Variants in ADGRL3 observed in about 807,000 individuals in gnomAD.
ADGRL3 encodes the protein adhesion G protein-coupled receptor L3.
A neutral mutation model predicts 153.5 loss-of-function variants in ADGRL3; 62 were observed. That is an observed-to-expected ratio of 0.40 (90% confidence interval 0.33 to 0.50). The LOEUF (loss-of-function observed/expected upper bound fraction) is 0.50, where lower values mean the gene tolerates loss of function less well. Ranked by LOEUF, ADGRL3 falls within the 20% of genes least tolerant of loss-of-function variation. ADGRL3 has a pLI of 0.47. For synonymous variants in ADGRL3, 710 were observed against 672.5 expected, an observed-to-expected ratio of 1.06 and a Z score of -0.86; for missense variants, 1,641 against 1,859.4, an observed-to-expected ratio of 0.88 and a Z score of 2.16.
At chr4:61,696,844 T>G (rs141186167) in intron 6 of ADGRL3, among the ~76,000 whole-genome samples, 3,162 of 151,978 alleles carry the variant, frequency 0.021, 105 homozygotes, top group East Asian at 0.17. Context: ...TCCAGCTAAA[T>G]TTTTGTATTT....
At chr4:61,953,694 A>G (rs2098955878) in intron 17 of ADGRL3, among the ~76,000 whole-genome samples, 2 of 152,200 alleles carry the variant, frequency 1.3e-5, no homozygotes, top group African/African-American at 4.8e-5. Flanking sequence ...TATAAGAATT[A>G]TAACCAAGGC....
intron 2 of ADGRL3, among the ~76,000 whole-genome samples, chr4:61,462,745 G>A (rs561938421): frequency 6.6e-6 from 1 of 152,234 alleles, no homozygotes; most frequent in East Asian, 1.9e-4. Flanking sequence ...AGTATATTGG[G>A]CAATCAGCCT....
intron 10 of ADGRL3, 92 bp downstream of exon 10, chr4:61,893,050 C>T: frequency 1.5e-6 from 1 of 669,726 alleles, no homozygotes; most frequent in South Asian, 4.9e-5. Flanking sequence ...TCCTTTCCTC[C>T]CTCCCTCCCT....
chr4:61,859,511 TC>T (rs1404977667), intron 9 of ADGRL3, among the ~76,000 whole-genome samples: 2 of 152,174 alleles, frequency 1.3e-5, no homozygotes, highest in African/African-American at 2.4e-5. Context: ...TTAATAAAGC[TC>T]CTAATCATTA....
At chr4:61,228,157 G>C (rs375469317) in intron 1 of ADGRL3, among the ~76,000 whole-genome samples, 2 of 152,044 alleles carry the variant, frequency 1.3e-5, no homozygotes, top group East Asian at 3.8e-4. Context: ...ACTATGTAAA[G>C]TTGGTAAGTT....
intron 6 of ADGRL3, among the ~76,000 whole-genome samples, chr4:61,690,881 C>A (rs2095528452): frequency 6.6e-6 from 1 of 152,058 alleles, no homozygotes; most frequent in South Asian, 2.1e-4. Flanking sequence ...AAGAAACTTG[C>A]CTGCTTAGAA....
intron 1 of ADGRL3, among the ~76,000 whole-genome samples, chr4:61,310,209 A>C (rs2150508344): frequency 6.6e-6 from 1 of 151,922 alleles, no homozygotes; most frequent in African/African-American, 2.4e-5. Flanking sequence ...TATTTCCCCT[A>C]GCTGAAACCC....
chr4:61,477,092 A>G (rs1416227739), intron 2 of ADGRL3, among the ~76,000 whole-genome samples: 1 of 152,212 alleles, frequency 6.6e-6, no homozygotes, highest in Non-Finnish European at 1.5e-5. Flanking sequence ...ATTTAAAAAA[A>G]GATTCATAGC....
In ADGRL3 at chr4:61,202,654, G is replaced by T. The variant is rs1366312283; in HGVS notation, c.-240+889G>T. 1.3e-5 allele frequency among the ~76,000 whole-genome samples: 2 copies of T among 152,174 alleles called. No individual in the cohort carries two copies. Among genetic ancestry groups the T allele is most frequent in the East Asian group, 1.9e-4 (1 of 5,160 alleles). On this transcript the variant is annotated intron_variant, in intron 1 of 26. Coordinates refer to ENST00000683033, the MANE Select transcript of ADGRL3 (RefSeq NM_001387552.1). The surrounding 1 kb of genome is among the most constrained non-coding windows in gnomAD (Gnocchi z 5.0). The stretch of plus-strand genomic sequence containing the variant: ...TGAGGAGAAGGGAAGGCTCCAGGCT[G>T]CAGCGCAGCGTCTGAGCTGCCGCGA...
intron 8 of ADGRL3, among the ~76,000 whole-genome samples, chr4:61,776,948 G>C (rs1042486905): frequency 4.6e-5 from 7 of 152,132 alleles, no homozygotes; most frequent in Non-Finnish European, 8.8e-5. Context: ...ATAATGATCT[G>C]AGAAATGTTC....
intron 5 of ADGRL3, among the ~76,000 whole-genome samples, chr4:61,603,780 T>C (rs759479255): frequency 2.6e-5 from 4 of 152,108 alleles, no homozygotes; most frequent in Non-Finnish European, 5.9e-5. Context: ...TTCAGTTTAA[T>C]GGCACCATTT....
intron 5 of ADGRL3, among the ~76,000 whole-genome samples, chr4:61,649,352 C>T (rs893153266): frequency 2.0e-5 from 3 of 152,056 alleles, no homozygotes; most frequent in African/African-American, 7.2e-5. Flanking sequence ...ATAGCAGCAA[C>T]ATCTAAATTT....
intron 21 of ADGRL3, among the ~76,000 whole-genome samples, chr4:62,021,152 A>G (rs1177401491): frequency 6.6e-6 from 1 of 152,132 alleles, no homozygotes; most frequent in African/African-American, 2.4e-5. Context: ...TCCGAAGGTC[A>G]ATACACAACA....
intron 1 of ADGRL3, among the ~76,000 whole-genome samples, chr4:61,296,816 A>G (rs2150265418): frequency 6.6e-6 from 1 of 152,308 alleles, no homozygotes; most frequent in South Asian, 2.1e-4. Flanking sequence ...TTTATAAAAT[A>G]TTACTTCGTG....
intron 1 of ADGRL3, among the ~76,000 whole-genome samples, chr4:61,317,866 C>G (rs1318583591): frequency 6.6e-6 from 1 of 152,028 alleles, no homozygotes; most frequent in Non-Finnish European, 1.5e-5. Context: ...ACTATTATGT[C>G]TATGCATTAT....
chr4:61,880,658 T>A (rs1369587549), intron 9 of ADGRL3, among the ~76,000 whole-genome samples: 1 of 152,198 alleles, frequency 6.6e-6, no homozygotes, highest in Non-Finnish European at 1.5e-5. Context: ...ACTGTATAGT[T>A]TACATGTGGT....
chr4:61,230,189 C>T (rs544344063), intron 1 of ADGRL3, among the ~76,000 whole-genome samples: 5 of 152,244 alleles, frequency 3.3e-5, no homozygotes, highest in East Asian at 1.9e-4. Context: ...TAAGCGATCA[C>T]GGCTGTCTGC....
rs923603332 is a variant in ADGRL3, at chr4:61,877,623, A to G, written c.1481-15033A>G. Among the ~76,000 whole-genome samples the G allele has an allele frequency of 1.2e-4, 19 of 152,134 alleles. 1 individual carries two copies. The highest frequency in any genetic ancestry group is 1.2e-3 in the Admixed American group (19 of 15,280). ...GCACTGGCTGGCTTAAACAACAGAA[A>G]TTTACTGTCTCACCATTCTGGAGGC... On this transcript the variant is annotated intron_variant, in intron 9 of 26. Coordinates refer to ENST00000683033, the MANE Select transcript of ADGRL3 (RefSeq NM_001387552.1).
At chr4:62,065,992 A>G (rs868078906) in intron 25 of ADGRL3, among the ~76,000 whole-genome samples, 2 of 152,110 alleles carry the variant, frequency 1.3e-5, no homozygotes, top group Admixed American at 1.3e-4. Flanking sequence ...AGTAAATTCA[A>G]TAACTTTTAC....
Sources: gnomAD v4.1 joint callset for allele counts (sites outside exome capture counted in the v4.1 genomes callset) on GRCh38, gnomAD v4.1.1 for gene constraint, Gnocchi (gnomAD v3.1) non-coding constraint, MANE v1.5 for transcripts, NCBI Gene and HGNC (gene_info 2026-07-23, HGNC 2026-07-21) for gene names.